ASTN2: variants seen among roughly 807,000 people sequenced by gnomAD.
ASTN2 encodes the protein astrotactin-2.
ASTN2 carries 54 observed loss-of-function variants against 139.8 expected under a neutral mutation model. The observed-to-expected ratio is 0.39, with a 90% CI of 0.31 to 0.48. The LOEUF is 0.48. ASTN2 is among the 20% of genes least tolerant of loss of function. The probability of loss-of-function intolerance (pLI) is 0.95; values close to 1 mark genes in which losing one functional copy is unlikely to be tolerated. For synonymous variants in ASTN2, 756 were observed against 719.5 expected (o/e 1.05, Z -0.81); for missense variants, 1,565 against 1,725.1 (o/e 0.91, Z 1.64).
rs545997808 is a variant in ASTN2 at position 116,681,087 on chromosome 9, C to T, written c.2807-29294G>A. On this transcript the variant is annotated intron_variant, in intron 16 of 22. Transcript: ENST00000313400. Reference sequence around the variant, plus strand: ...TAGGAAAAGAGGAAGTCAAATTGCCCCTAGTTGCAGATGACATAATTGTAT... The same window carrying T: ...TAGGAAAAGAGGAAGTCAAATTGCCTCTAGTTGCAGATGACATAATTGTAT... Among the ~76,000 whole-genome samples the T allele has an allele frequency of 5.3e-5, 8 of 152,226 alleles. No individual in the cohort carries two copies. In the East Asian group the frequency reaches 1.5e-3, roughly 29 times the overall value.
rs115462168 is a variant in ASTN2 at position 117,235,091 on chromosome 9, G to A, written c.631-20349C>T. 9.5e-3 allele frequency among the ~76,000 whole-genome samples: 1,445 copies of A among 152,144 alleles called. 25 individuals carry two copies. Among genetic ancestry groups the A allele is most frequent in the African/African-American group, 0.033 (1,371 of 41,518 alleles). On this transcript the variant is annotated intron_variant, in intron 2 of 22. Coordinates refer to ENST00000313400, the MANE Select transcript of ASTN2 (RefSeq NM_001365068.1). ...TCTACCAGAAATAAAAAAATTAGCT[G>A]AGCATGGTGACAGGCACCTGTAATC... is the stretch of plus-strand genomic sequence containing the variant.
chr9:116,507,760 C>T (rs1373574966), intron 19 of ASTN2, among the ~76,000 whole-genome samples: 1 of 152,138 alleles, frequency 6.6e-6, no homozygotes, highest in Admixed American at 6.5e-5. Context: ...TCTGCAAACT[C>T]GATCCTCAGG....
At chr9:117,314,150 T>G (rs1828060431) in intron 1 of ASTN2, among the ~76,000 whole-genome samples, 1 of 152,180 alleles carries the variant, frequency 6.6e-6, no homozygotes, top group Non-Finnish European at 1.5e-5. Flanking sequence ...GTGCTTTGCA[T>G]TTGATTGTTT....
rs371021586 is a variant in ASTN2, at chr9:116,477,274, G to C, written c.3497+10085C>G. Among the ~76,000 whole-genome samples the C allele has an allele frequency of 4.5e-4, 68 of 152,240 alleles. No individual in the cohort carries two copies. In the East Asian group the frequency reaches 0.012, roughly 26 times the overall value. ...CGGCTGTATTTGCTTCTGGCTTGAG[G>C]ACAGCTATTCCCCTCTCCCAGGCCC... On this transcript the variant is annotated intron_variant, in intron 20 of 22. Coordinates refer to ENST00000313400, the MANE Select transcript of ASTN2 (RefSeq NM_001365068.1).
chr9:117,228,056 G>T (rs957612556), intron 2 of ASTN2, among the ~76,000 whole-genome samples: 1 of 152,100 alleles, frequency 6.6e-6, no homozygotes, highest in Non-Finnish European at 1.5e-5. Flanking sequence ...ACATTCCTTG[G>T]CTAGCCATGT....
intron 5 of ASTN2, among the ~76,000 whole-genome samples, chr9:117,058,924 TG>T (rs1839152121): frequency 6.6e-6 from 1 of 152,130 alleles, no homozygotes. Flanking sequence ...TGACATGAGA[TG>T]GGGCTGGAGA....
intron 4 of ASTN2, among the ~76,000 whole-genome samples, chr9:117,120,681 C>T (rs910690944): frequency 2.6e-5 from 4 of 152,174 alleles, no homozygotes; most frequent in Non-Finnish European, 5.9e-5. Context: ...AAGAATCCTC[C>T]TCTCATTGTT....
intron 16 of ASTN2, among the ~76,000 whole-genome samples, chr9:116,655,003 G>T (rs1327259573): frequency 2.6e-5 from 4 of 152,130 alleles, no homozygotes; most frequent in Admixed American, 1.3e-4. Flanking sequence ...CACAATCTTG[G>T]CTGAAAATTG....
chr9:116,806,890 C>A (rs373481602), intron 12 of ASTN2, among the ~76,000 whole-genome samples: 48 of 152,228 alleles, frequency 3.2e-4, no homozygotes, highest in African/African-American at 1.0e-3. Flanking sequence ...TCACTGAACA[C>A]TTTATGTATT....
intron 2 of ASTN2, among the ~76,000 whole-genome samples, chr9:117,265,331 C>G (rs182072734): frequency 1.3e-5 from 2 of 152,252 alleles, no homozygotes; most frequent in East Asian, 3.9e-4. Context: ...AGATAGCCCA[C>G]TGGAGTGGCA....
intron 10 of ASTN2, among the ~76,000 whole-genome samples, chr9:116,931,848 A>G (rs1186777405): frequency 2.0e-5 from 3 of 152,194 alleles, no homozygotes; most frequent in African/African-American, 7.2e-5. Context: ...TAAGAGGTAG[A>G]TTTGAGCTGA....
In ASTN2 at chr9:116,699,140, G is replaced by A. The variant is rs770803017; in HGVS notation, c.2806+26631C>T. The A allele has an allele frequency of 1.2e-6, 2 of 1,614,218 alleles. No individual in the cohort carries two copies. Among genetic ancestry groups the A allele is most frequent in the South Asian group, 2.2e-5 (2 of 91,086 alleles). On this transcript the variant is annotated intron_variant, in intron 16 of 22. Transcript: ENST00000313400. This position sits in a 1 kb window ranked among gnomAD's most constrained non-coding sequence, Gnocchi z 4.2. ...ATGGCCACTGCGTGGCCTGTCACAG[G>A]AGCCAGCTGAGCAAACCATGGGGTA...
At chr9:116,558,368 T>C (rs1852740011) in intron 19 of ASTN2, among the ~76,000 whole-genome samples, 1 of 152,200 alleles carries the variant, frequency 6.6e-6, no homozygotes, top group Admixed American at 6.5e-5. Flanking sequence ...CACTACTTTT[T>C]TTTTTTTTAA....
chr9:116,509,082 A>T (rs1587906230), intron 19 of ASTN2, among the ~76,000 whole-genome samples: 1 of 152,276 alleles, frequency 6.6e-6, no homozygotes, highest in Admixed American at 6.5e-5. Flanking sequence ...ATATGTATAC[A>T]TGTGCCATGT....
At chr9:116,736,341 A>G (rs1438490626) in intron 13 of ASTN2, among the ~76,000 whole-genome samples, 1 of 152,208 alleles carries the variant, frequency 6.6e-6, no homozygotes, top group African/African-American at 2.4e-5. Flanking sequence ...TGAATATAGA[A>G]GGGTTAATAT....
At chr9:117,374,458 G>T (rs953159895) in intron 1 of ASTN2, among the ~76,000 whole-genome samples, 1 of 145,892 alleles carries the variant, frequency 6.9e-6, no homozygotes, top group Non-Finnish European at 1.5e-5. Flanking sequence ...TGGATGAAAA[G>T]ATCACAAGAT....
intron 2 of ASTN2, among the ~76,000 whole-genome samples, chr9:117,233,646 T>C (rs1298434309): frequency 6.6e-6 from 1 of 152,188 alleles, no homozygotes; most frequent in Non-Finnish European, 1.5e-5. Flanking sequence ...TCTATTTATT[T>C]GACTCAGTGC....
In ASTN2 at chr9:116,837,659, C is replaced by T. The variant is rs73533317; in HGVS notation, c.2041-16876G>A. ...GTAATGAGCTGTTTTACCACCCCAC[C>T]CCCAGGTCTAGAAGGTGGGCCAGCT... On this transcript the variant is annotated intron_variant, in intron 11 of 22. Transcript: ENST00000313400. 7.2e-3 allele frequency among the ~76,000 whole-genome samples: 1,083 copies of T among 150,824 alleles called. 10 individuals are homozygous for T. The highest frequency in any genetic ancestry group is 0.025 in the African/African-American group (1,004 of 40,972).
At position 116,568,135 on chromosome 9, in the gene ASTN2, C is replaced by T. The variant is rs56096725; in HGVS notation, c.3355+50189G>A. Among the ~76,000 whole-genome samples the T allele has an allele frequency of 3.6e-4, 55 of 152,120 alleles. 1 individual carries two copies. Among genetic ancestry groups the T allele is most frequent in the African/African-American group, 1.3e-3 (54 of 41,480 alleles). On this transcript the variant is annotated intron_variant, in intron 19 of 22. Transcript: ENST00000313400. ...TGTCATTAATAATTCAGATGAAGCC[C>T]CCAAATGTGGGATATACTCTCATTT...
Sources: gnomAD v4.1 joint callset for allele counts (sites outside exome capture counted in the v4.1 genomes callset) on GRCh38, gnomAD v4.1.1 for gene constraint, Gnocchi (gnomAD v3.1) non-coding constraint, MANE v1.5 for transcripts, NCBI Gene and HGNC (gene_info 2026-07-23, HGNC 2026-07-21) for gene names.